The following FYB1 variants were observed in gnomAD, a reference collection of about 807,000 sequenced individuals.
The protein encoded by FYB1 is FYN binding protein 1.
Under a neutral mutation model 94.1 loss-of-function variants are expected in FYB1, and 41 were observed. That is an observed-to-expected ratio of 0.44 (90% CI 0.34 to 0.57). FYB1 has a LOEUF of 0.57. FYB1 is among the 20% of genes least tolerant of loss of function. The pLI is 0.02. For synonymous variants in FYB1, 367 were observed against 353.2 expected (o/e 1.04, Z -0.44); for missense variants, 1,050 against 976.8 (o/e 1.07, Z -1.00).
chr5:39,175,005 T>G (rs569149320), intron 2 of FYB1, among the ~76,000 whole-genome samples: 1 of 152,316 alleles, frequency 6.6e-6, no homozygotes, highest in East Asian at 1.9e-4. Flanking sequence ...AAAGTTATGG[T>G]TCTATTTGTT....
intron 1 of FYB1, among the ~76,000 whole-genome samples, chr5:39,229,045 A>G (rs1220469342): frequency 6.6e-6 from 1 of 152,134 alleles, no homozygotes; most frequent in Non-Finnish European, 1.5e-5. Flanking sequence ...TCTCTGTGTG[A>G]AGAGTATGGC....
At chr5:39,234,917 T>G (rs1297463815) in intron 1 of FYB1, among the ~76,000 whole-genome samples, 1 of 151,862 alleles carries the variant, frequency 6.6e-6, no homozygotes, top group Non-Finnish European at 1.5e-5. Flanking sequence ...GGTGGGATAG[T>G]ATTAGAACAA....
chr5:39,148,551 C>T (rs1010168483), intron 3 of FYB1, among the ~76,000 whole-genome samples: 1 of 151,680 alleles, frequency 6.6e-6, no homozygotes, highest in Admixed American at 6.6e-5. Context: ...TGAAAACTGA[C>T]TTGTTTAAGC....
Position 39,134,312 on chromosome 5 carries a change from A to G in FYB1, c.1713T>C (p.Tyr571=), listed in dbSNP as rs1197055665. The G allele has an allele frequency of 6.2e-7, 1 of 1,611,942 alleles. No individual in the cohort carries two copies. Among genetic ancestry groups the G allele is most frequent in the Non-Finnish European group, 8.5e-7 (1 of 1,178,312 alleles). The change falls in exon 9 of 19, where the codon TAT becomes TAC. Residue 571 remains tyrosine (Y), a synonymous_variant. Transcript: ENST00000512982. ...AGTCTTTTTTCAGTTTCAAAGAATCATAGTCAATCTCTACAGCAGTTGTTT... is the reference window on the plus strand; with the variant it reads ...AGTCTTTTTTCAGTTTCAAAGAATCGTAGTCAATCTCTACAGCAGTTGTTT... ...YIKTTAVEID[Y]DSLKLKKDSL...
intron 1 of FYB1, among the ~76,000 whole-genome samples, chr5:39,242,592 A>T (rs1033072323): frequency 1.3e-5 from 2 of 152,134 alleles, no homozygotes; most frequent in African/African-American, 2.4e-5. Context: ...TAGTGCCACA[A>T]TAAACATATG....
intron 3 of FYB1, among the ~76,000 whole-genome samples, chr5:39,148,381 GTT>G (rs538508812): frequency 1.2e-3 from 44 of 38,150 alleles, no homozygotes; most frequent in African/African-American, 1.8e-3. Flanking sequence ...TTATCAGCAG[GTT>G]TTTTTTTTTT....
rs1377707457 is a variant in FYB1, at chr5:39,127,768, C to A, written c.1880G>T (p.Gly627Val). 1 of 1,603,412 alleles carries A rather than the reference C, an allele frequency of 6.2e-7. No homozygotes were observed. The change falls in exon 11 of 19, where the codon GGG becomes GTG. Residue 627 changes from glycine to valine, a missense_variant. Gly to Val is a moderately radical substitution (Grantham distance 109). Coordinates refer to ENST00000512982, the MANE Select transcript of FYB1 (RefSeq NM_001465.6). ...PPPPDDDIYD[G>V]IEEEDADDGS... is the part of the protein sequence containing the mutation. ...ATCATCAGCATCTTCCTCTTCAATCCCATCATAAATGTCATCATCTGGTGG... is the reference window on the plus strand; with the variant it reads ...ATCATCAGCATCTTCCTCTTCAATCACATCATAAATGTCATCATCTGGTGG...
At position 39,146,200 on chromosome 5, in the gene FYB1, A is replaced by G. The variant is rs143094187; in HGVS notation, c.1293-5059T>C. ...AAAGTGCTAGGATTACAGGCGTGAG[A>G]CACTGCACCTGGCCTCCATTCTTTA... On this transcript the variant is annotated intron_variant, in intron 3 of 18. Coordinates refer to ENST00000512982, the MANE Select transcript of FYB1 (RefSeq NM_001465.6). Among the ~76,000 whole-genome samples, 292 of 152,128 alleles carry G rather than the reference A, an allele frequency of 1.9e-3. 1 individual carries two copies. Among genetic ancestry groups the G allele is most frequent in the African/African-American group, 6.7e-3 (277 of 41,518 alleles).
chr5:39,145,089 A>T (rs1742527461), intron 3 of FYB1, among the ~76,000 whole-genome samples: 1 of 152,190 alleles, frequency 6.6e-6, no homozygotes, highest in Non-Finnish European at 1.5e-5. Context: ...CCATGAGTTT[A>T]TAGTTGTCGA....
intron 2 of FYB1, among the ~76,000 whole-genome samples, chr5:39,155,313 A>C (rs555090438): frequency 6.6e-6 from 1 of 152,316 alleles, no homozygotes; most frequent in South Asian, 2.1e-4. Context: ...TGGAGTCTTA[A>C]AATCTGCTCA....
intron 1 of FYB1, among the ~76,000 whole-genome samples, chr5:39,216,387 TTTTG>T (rs1363423451): frequency 6.6e-6 from 1 of 152,210 alleles, no homozygotes; most frequent in Non-Finnish European, 1.5e-5. Context: ...TTGTTCACTC[TTTTG>T]TTTATTTGTT....
chr5:39,123,446 T>C (rs1740320194), intron 13 of FYB1, among the ~76,000 whole-genome samples: 1 of 152,198 alleles, frequency 6.6e-6, no homozygotes, highest in African/African-American at 2.4e-5. Flanking sequence ...TGATTACTTT[T>C]GTTTCATTTT....
chr5:39,207,419 G>A (rs1748960844), intron 1 of FYB1, among the ~76,000 whole-genome samples: 1 of 152,140 alleles, frequency 6.6e-6, no homozygotes, highest in Non-Finnish European at 1.5e-5. Context: ...CAGACCTTGG[G>A]AAAATGTCTG....
chr5:39,267,678 A>C (rs1752490362), intron 1 of FYB1, among the ~76,000 whole-genome samples: 1 of 152,260 alleles, frequency 6.6e-6, no homozygotes, highest in East Asian at 1.9e-4. Context: ...ATGCTACAAA[A>C]ATAGGCATGG....
At position 39,211,023 on chromosome 5, in the gene FYB1, C is replaced by A. The variant is rs139629794; in HGVS notation, c.-27-8036G>T. ...CCTAAAACCACTTATTTTTCTTATTCTATTTTACAATTTTTTATAGCAAAT... is the reference window on the plus strand; with the variant it reads ...CCTAAAACCACTTATTTTTCTTATTATATTTTACAATTTTTTATAGCAAAT... On this transcript the variant is annotated intron_variant, in intron 1 of 18. Transcript: ENST00000512982. 2.3e-3 allele frequency: 352 copies of A among 152,250 alleles called. 2 individuals carry two copies. Among genetic ancestry groups the A allele is most frequent in the African/African-American group, 7.7e-3 (322 of 41,560 alleles). 9.4% of individuals were successfully genotyped at this position (152,250 alleles called of 1,614,324 possible).
chr5:39,197,242 A>G (rs1348287731), intron 2 of FYB1, among the ~76,000 whole-genome samples: 1 of 152,230 alleles, frequency 6.6e-6, no homozygotes, highest in African/African-American at 2.4e-5. Context: ...AATAACTATT[A>G]AATCTTAGTG....
intron 13 of FYB1, among the ~76,000 whole-genome samples, chr5:39,122,901 G>C (rs1740264080): frequency 6.6e-6 from 1 of 152,000 alleles, no homozygotes; most frequent in African/African-American, 2.4e-5. Flanking sequence ...ACCTTACAGT[G>C]ATATTAGGAG....
At chr5:39,248,369 A>C (rs1751574167) in intron 1 of FYB1, among the ~76,000 whole-genome samples, 1 of 152,144 alleles carries the variant, frequency 6.6e-6, no homozygotes, top group African/African-American at 2.4e-5. Context: ...GAGAATATCC[A>C]GTTCTTTGAG....
At chr5:39,227,747 C>T (rs910619446) in intron 1 of FYB1, among the ~76,000 whole-genome samples, 4 of 152,168 alleles carry the variant, frequency 2.6e-5, no homozygotes, top group Non-Finnish European at 4.4e-5. Flanking sequence ...CTGCCTGAAT[C>T]CAGTAGGCCT....
Sources: allele counts gnomAD v4.1 joint callset (sites outside exome capture counted in the v4.1 genomes callset), GRCh38; gene constraint gnomAD v4.1.1; transcripts MANE v1.5; gene names NCBI Gene and HGNC (gene_info 2026-07-23, HGNC 2026-07-21).